SERINC5: variants seen among roughly 807,000 people sequenced by gnomAD.
SERINC5 encodes the protein serine incorporator 5, also known as chromosome 5 open reading frame 12.
Under a neutral mutation model 63.1 loss-of-function variants are expected in SERINC5, and 41 were observed. The ratio of observed to expected loss-of-function variants is 0.65; its 90% CI spans 0.51 to 0.84. SERINC5 has a LOEUF of 0.84. SERINC5 is among the 40% of genes least tolerant of loss of function. SERINC5 has a pLI of 0.00. For synonymous variants in SERINC5, 222 were observed against 215.2 expected, an observed-to-expected ratio of 1.03 and a Z score of -0.28; for missense variants, 523 against 573.0, an observed-to-expected ratio of 0.91 and a Z score of 0.89.
At chr5:80,201,291 G>C (rs1749821178) in intron 2 of SERINC5, among the ~76,000 whole-genome samples, 1 of 152,224 alleles carries the variant, frequency 6.6e-6, no homozygotes, top group Admixed American at 6.5e-5. Context: ...GCAGTACGGA[G>C]TGGTCGGTTT....
downstream of SERINC5, among the ~76,000 whole-genome samples, chr5:80,135,087 T>C (rs749231489): frequency 3.3e-5 from 5 of 152,186 alleles, no homozygotes; most frequent in Non-Finnish European, 5.9e-5. Flanking sequence ...GTTGTTGAGA[T>C]AGGGTCTCCT....
Position 80,129,083 on chromosome 5 carries a change from C to T in SERINC5, c.1239-15458G>A, listed in dbSNP as rs529677355. 6 of 152,304 alleles carry T rather than the reference C, an allele frequency of 3.9e-5. No individual in the cohort carries two copies. The South Asian group carries it at 1.2e-3, about 32-fold the overall frequency. 9.4% of individuals were successfully genotyped at this position (152,304 alleles called of 1,614,324 possible). A position where few individuals can be genotyped will look rare whatever the true frequency, so the allele number is the denominator to read the frequency against. On this transcript the variant is annotated intron_variant, in intron 11 of 12. Transcript: ENST00000509193. ...GAAAGTCCACTCTTGGATCAATTAA[C>T]TGAAGCTATGACAGGAGAGTTGTAT...
intron 3 of SERINC5, 54 bp downstream of exon 3, chr5:80,177,830 ACT>A (rs1748134358): frequency 7.4e-7 from 1 of 1,358,762 alleles, no homozygotes. Flanking sequence ...ATCCTGGACT[ACT>A]GTCCTGAACA....
intron 11 of SERINC5, among the ~76,000 whole-genome samples, chr5:80,121,611 T>C (rs1744546135): frequency 6.6e-6 from 1 of 152,104 alleles, no homozygotes; most frequent in African/African-American, 2.4e-5. Context: ...AGTCAGTGTG[T>C]TAATCCATTT....
chr5:80,226,752 T>C (rs1751183991), intron 1 of SERINC5, among the ~76,000 whole-genome samples: 1 of 152,202 alleles, frequency 6.6e-6, no homozygotes, highest in Non-Finnish European at 1.5e-5. Flanking sequence ...AATAGGAAAT[T>C]GCATTGTGCA....
chr5:80,113,034 G>T (rs1403624790), intron 12 of SERINC5, among the ~76,000 whole-genome samples: 1 of 152,086 alleles, frequency 6.6e-6, no homozygotes, highest in Admixed American at 6.5e-5. Flanking sequence ...TTTACTTAAT[G>T]CTTGCCCTAT....
Position 80,158,895 on chromosome 5 carries a change from A to G in SERINC5, c.927T>C (p.Asp309=), listed in dbSNP as rs1353048678. 3 of 1,613,718 alleles carry G rather than the reference A, an allele frequency of 1.9e-6. No homozygotes were observed. Among genetic ancestry groups the G allele is most frequent in the Non-Finnish European group, 8.5e-7 (1 of 1,179,716 alleles). Residue 309 remains aspartate, a synonymous_variant, in exon 8 of 12, where the codon GAT becomes GAC. Coordinates refer to ENST00000507668, the MANE Select transcript of SERINC5 (RefSeq NM_001174072.3). ...TCCCCAGTATAGTCACCAAGTTTTCATCTCTGTACAGGTCTTGACCAAAGT... is the reference window on the plus strand; with the variant it reads ...TCCCCAGTATAGTCACCAAGTTTTCGTCTCTGTACAGGTCTTGACCAAAGT... ...VPDFGQDLYR[D]ENLVTILGTS...
chr5:80,201,157 G>A (rs1314799911), intron 2 of SERINC5, among the ~76,000 whole-genome samples: 1 of 152,172 alleles, frequency 6.6e-6, no homozygotes, highest in Admixed American at 6.5e-5. Context: ...CCTAGTTTCA[G>A]CACAGGTTGG....
chr5:80,175,901 G>A (rs190358600), intron 4 of SERINC5, among the ~76,000 whole-genome samples: 7 of 148,302 alleles, frequency 4.7e-5, no homozygotes, highest in African/African-American at 1.3e-4. Flanking sequence ...GAGCTTGGCC[G>A]GCCGCAGTGG....
intron 8 of SERINC5, among the ~76,000 whole-genome samples, chr5:80,155,028 C>G (rs759075258): frequency 1.3e-5 from 2 of 152,090 alleles, no homozygotes; most frequent in African/African-American, 4.8e-5. Context: ...AAAGGTTGCC[C>G]GAAGTTGGGA....
chr5:80,193,555 G>A (rs529309732), intron 2 of SERINC5, among the ~76,000 whole-genome samples: 7 of 152,162 alleles, frequency 4.6e-5, no homozygotes, highest in African/African-American at 9.7e-5. Flanking sequence ...TCCCGCAAAC[G>A]TGCAGGTAAT....
At chr5:80,163,379 G>A (rs991810934) in intron 7 of SERINC5, among the ~76,000 whole-genome samples, 27 of 152,090 alleles carry the variant, frequency 1.8e-4, no homozygotes, top group Non-Finnish European at 2.2e-4. Context: ...ATGGTGAATA[G>A]GCATGGTGAA....
intron 1 of SERINC5, among the ~76,000 whole-genome samples, chr5:80,233,063 A>T (rs1328153811): frequency 1.3e-5 from 2 of 152,134 alleles, no homozygotes; most frequent in African/African-American, 2.4e-5. Flanking sequence ...ATACTATAAA[A>T]CCACTGAATT....
intron 2 of SERINC5, among the ~76,000 whole-genome samples, chr5:80,196,345 A>C (rs1749499280): frequency 6.6e-6 from 1 of 152,180 alleles, no homozygotes. Context: ...ACTAAAATAA[A>C]AAAAAGATGT....
chr5:80,170,009 C>T (rs769402926), intron 5 of SERINC5, among the ~76,000 whole-genome samples: 6 of 152,130 alleles, frequency 3.9e-5, no homozygotes, highest in Admixed American at 6.6e-5. Flanking sequence ...GGAGAAGGCA[C>T]GCAGGAAAAG....
chr5:80,240,093 A>C (rs1243276021), intron 1 of SERINC5, among the ~76,000 whole-genome samples: 1 of 152,206 alleles, frequency 6.6e-6, no homozygotes. Context: ...TTACGGAACA[A>C]TTAGGCATAA....
At chr5:80,198,710 G>C (rs942283676) in intron 2 of SERINC5, 7 of 985,310 alleles carry the variant, frequency 7.1e-6, no homozygotes, top group Non-Finnish European at 8.4e-6. Flanking sequence ...CACCCCCTGA[G>C]GATGAGGTCA....
chr5:80,135,285 C>T (rs1340290574), downstream of SERINC5, among the ~76,000 whole-genome samples: 3 of 152,182 alleles, frequency 2.0e-5, no homozygotes, highest in Admixed American at 1.3e-4. Context: ...CCTCCCGCGT[C>T]AGCCTCCCAA....
intron 1 of SERINC5, among the ~76,000 whole-genome samples, chr5:80,216,296 CT>C (rs917209382): frequency 7.2e-5 from 11 of 152,172 alleles, no homozygotes; most frequent in African/African-American, 2.7e-4. Flanking sequence ...ACAACTCCCC[CT>C]CTCCCCTGCA....
Sources: gnomAD v4.1 joint callset for allele counts (sites outside exome capture counted in the v4.1 genomes callset) on GRCh38, gnomAD v4.1.1 for gene constraint, MANE v1.5 for transcripts, NCBI Gene and HGNC (gene_info 2026-07-23, HGNC 2026-07-21) for gene names.